TMTC2: variants seen among roughly 807,000 people sequenced by gnomAD.
TMTC2 encodes the protein transmembrane O-mannosyltransferase targeting cadherins 2.
TMTC2 carries 43 observed loss-of-function variants against 82.4 expected under a neutral mutation model. The observed-to-expected ratio is 0.52, with a 90% confidence interval of 0.41 to 0.67. The LOEUF (loss-of-function observed/expected upper bound fraction) is 0.67. Ranked by LOEUF, TMTC2 falls within the 30% of genes least tolerant of loss-of-function variation. The pLI is 0.00. For missense variants in TMTC2, 919 were observed against 1,012.4 expected (o/e 0.91, Z 1.25); for synonymous variants, 408 against 381.9 (o/e 1.07, Z -0.80).
intron 1 of TMTC2, among the ~76,000 whole-genome samples, chr12:82,772,724 T>TC (rs1263937024): frequency 6.6e-6 from 1 of 152,032 alleles, no homozygotes; most frequent in East Asian, 1.9e-4. Flanking sequence ...AATTTAATTC[T>TC]TTTTTTTCCC....
At chr12:82,950,458 G>A (rs993772777) in intron 4 of TMTC2, among the ~76,000 whole-genome samples, 11 of 152,098 alleles carry the variant, frequency 7.2e-5, no homozygotes, top group Admixed American at 1.3e-4. Context: ...GTAGTTCTCC[G>A]AATCCTAGAT....
intron 3 of TMTC2, among the ~76,000 whole-genome samples, chr12:82,907,941 A>G (rs1874412413): frequency 6.6e-6 from 1 of 151,994 alleles, no homozygotes. Context: ...GTGAAATCCC[A>G]TCTGTACTAA....
intron 11 of TMTC2, among the ~76,000 whole-genome samples, chr12:83,062,295 A>G (rs1198737781): frequency 6.6e-6 from 1 of 151,746 alleles, no homozygotes; most frequent in East Asian, 1.9e-4. Flanking sequence ...AACTTTATCA[A>G]GAATGTTTTT....
Position 83,134,385 on chromosome 12 carries a change from T to C in TMTC2, c.*1996T>C, listed in dbSNP as rs182377918. 8 of 152,532 alleles carry C rather than the reference T, an allele frequency of 5.2e-5. No individual in the cohort carries two copies. In the East Asian group the frequency reaches 1.5e-3, roughly 29 times the overall value. The allele number at this position is 152,532 out of a possible 1,614,324, so 9.4% of individuals were successfully genotyped here. A position where few individuals can be genotyped will look rare whatever the true frequency, so the allele number is the denominator to read the frequency against. ...AATAGTTATTGACCTATGATGACTTTCTAGTCTTAACATTTTATCTTTTTA... is the reference window on the plus strand; with the variant it reads ...AATAGTTATTGACCTATGATGACTTCCTAGTCTTAACATTTTATCTTTTTA... On this transcript the variant is annotated 3_prime_UTR_variant, in exon 12 of 12. Coordinates refer to ENST00000321196, the MANE Select transcript of TMTC2 (RefSeq NM_152588.3).
intron 1 of TMTC2, among the ~76,000 whole-genome samples, chr12:82,816,387 C>T (rs916870204): frequency 6.6e-6 from 1 of 151,782 alleles, no homozygotes; most frequent in Non-Finnish European, 1.5e-5. Flanking sequence ...CCACAGATGT[C>T]CCTCACCCTA....
At chr12:82,895,307 G>A (rs1301535234) in intron 2 of TMTC2, among the ~76,000 whole-genome samples, 4 of 152,044 alleles carry the variant, frequency 2.6e-5, no homozygotes, top group South Asian at 2.1e-4. Flanking sequence ...ACATAGCTGC[G>A]TGCCTTTACT....
At chr12:83,051,041 C>T (rs1882327275) in intron 10 of TMTC2, 23 bp downstream of exon 10, 15 of 1,565,732 alleles carry the variant, frequency 9.6e-6, no homozygotes, top group African/African-American at 1.4e-5. Flanking sequence ...GCTGCTGTGC[C>T]TCAAAGCCTA....
intron 11 of TMTC2, among the ~76,000 whole-genome samples, chr12:83,090,957 C>T (rs993620359): frequency 1.6e-4 from 25 of 152,128 alleles, no homozygotes; most frequent in African/African-American, 6.0e-4. Flanking sequence ...ATTTCAGTAG[C>T]TGAACATTAC....
At chr12:82,851,167 C>T (rs1285759569) in intron 1 of TMTC2, among the ~76,000 whole-genome samples, 3 of 152,074 alleles carry the variant, frequency 2.0e-5, no homozygotes, top group Admixed American at 6.5e-5. Flanking sequence ...CTGTGACTCA[C>T]GCCTGTAATC....
rs371370083 is a variant in TMTC2 at position 82,917,643 on chromosome 12, C to T, written c.1484-12788C>T. Reference sequence around the variant, plus strand: ...TAGAGACAGAGTCTCACTCTGTCACCCAGGCTGGAGTGCAGTGGTACCATT... The same window carrying T: ...TAGAGACAGAGTCTCACTCTGTCACTCAGGCTGGAGTGCAGTGGTACCATT... On this transcript the variant is annotated intron_variant, in intron 3 of 11. Transcript: ENST00000321196. Among the ~76,000 whole-genome samples, 19 of 152,078 alleles carry T rather than the reference C, an allele frequency of 1.2e-4. No homozygotes were observed. In the South Asian group the frequency reaches 1.5e-3, roughly 12 times the overall value.
In TMTC2 at chr12:82,863,578, G is replaced by A. The variant is rs892799040; in HGVS notation, c.654+5998G>A. On this transcript the variant is annotated intron_variant, in intron 2 of 11. Transcript: ENST00000321196. ...TTAATAAGATATTGTATTCCTGCAG[G>A]CTGGCTCCCTTGTTCAGCTGATTTA... 3.3e-5 allele frequency among the ~76,000 whole-genome samples: 5 copies of A among 152,132 alleles called. No individual in the cohort carries two copies. The East Asian group carries it at 5.8e-4, about 18-fold the overall frequency.
Position 82,914,879 on chromosome 12 carries a change from G to T in TMTC2, c.1484-15552G>T, listed in dbSNP as rs532613173. 7.9e-5 allele frequency among the ~76,000 whole-genome samples: 11 copies of T among 140,094 alleles called. 1 individual carries two copies. The South Asian group carries it at 2.0e-3, about 26-fold the overall frequency. The allele number at this position is 140,094 out of a possible 152,430, so 91.9% of individuals were successfully genotyped here. ...TCGCTCTTGTTGCCCAGGCTGGAGT[G>T]CAATAGTGCGATCTTGGCTCACTGC... On this transcript the variant is annotated intron_variant, in intron 3 of 11. Transcript: ENST00000321196.
intron 3 of TMTC2, among the ~76,000 whole-genome samples, chr12:82,903,857 T>G (rs1232009555): frequency 6.6e-6 from 1 of 152,214 alleles, no homozygotes; most frequent in African/African-American, 2.4e-5. Flanking sequence ...TTTACAGATA[T>G]AATGTACATG....
chr12:82,691,459 A>G (rs1872574149), intron 1 of TMTC2, among the ~76,000 whole-genome samples: 1 of 152,154 alleles, frequency 6.6e-6, no homozygotes, highest in Non-Finnish European at 1.5e-5. Context: ...CAGTTTTTAT[A>G]AACACATGAG....
At chr12:82,840,777 C>T (rs1222417366) in intron 1 of TMTC2, among the ~76,000 whole-genome samples, 11 of 151,936 alleles carry the variant, frequency 7.2e-5, no homozygotes, top group Admixed American at 5.3e-4. Context: ...TGTTTTGTTC[C>T]GGTTTGTTTT....
intron 4 of TMTC2, among the ~76,000 whole-genome samples, chr12:82,935,858 A>G (rs773240277): frequency 4.6e-5 from 7 of 152,084 alleles, no homozygotes; most frequent in African/African-American, 7.2e-5. Flanking sequence ...TAAATATCCA[A>G]TCTGAGAAGC....
chr12:82,717,851 C>T (rs117961627), intron 1 of TMTC2, among the ~76,000 whole-genome samples: 1,700 of 152,146 alleles, frequency 0.011, 20 homozygotes, highest in Non-Finnish European at 0.016. Context: ...AAAATAAAGT[C>T]GCCAACAAAG....
intron 1 of TMTC2, among the ~76,000 whole-genome samples, chr12:82,709,082 A>ATTTTTT (rs34138059): frequency 7.1e-6 from 1 of 141,754 alleles, no homozygotes. Flanking sequence ...CTGTGATAGG[A>ATTTTTT]TTTTTTTTTT....
In TMTC2 at chr12:82,765,983, G is replaced by A. The variant is rs1876938336; in HGVS notation, c.83+78314G>A. 4.6e-5 allele frequency among the ~76,000 whole-genome samples: 7 copies of A among 152,090 alleles called. No individual in the cohort carries two copies. The South Asian group carries it at 1.5e-3, about 32-fold the overall frequency. On this transcript the variant is annotated intron_variant, in intron 1 of 11. Coordinates refer to ENST00000321196, the MANE Select transcript of TMTC2 (RefSeq NM_152588.3). ...ACCATACCCGGCTTCTTTGGGGTGA[G>A]GCCCAAAACGTGTATTGCCATTTTA...
Sources: allele counts gnomAD v4.1 joint callset (sites outside exome capture counted in the v4.1 genomes callset), GRCh38; gene constraint gnomAD v4.1.1; transcripts MANE v1.5; gene names NCBI Gene and HGNC (gene_info 2026-07-23, HGNC 2026-07-21).